Variants in MCTP1 observed in about 807,000 individuals in gnomAD.
MCTP1 encodes multiple C2 and transmembrane domain containing 1, also known as multiple C2 and transmembrane domain-containing protein 1.
MCTP1 carries 69 observed loss-of-function variants against 120.6 expected under a neutral mutation model. That is an observed-to-expected ratio of 0.57 (90% CI 0.47 to 0.70). The LOEUF is 0.70. MCTP1 is among the 30% of genes least tolerant of loss of function. The pLI is 0.00. For synonymous variants in MCTP1, 529 were observed against 493.1 expected (o/e 1.07, Z -0.96); for missense variants, 1,203 against 1,248.8 (o/e 0.96, Z 0.55).
chr5:94,876,831 C>T (rs1195634990), intron 12 of MCTP1, among the ~76,000 whole-genome samples: 1 of 151,922 alleles, frequency 6.6e-6, no homozygotes, highest in East Asian at 1.9e-4. Flanking sequence ...GGCAATTTTC[C>T]ATGTTGACAA....
intron 17 of MCTP1, among the ~76,000 whole-genome samples, chr5:94,855,081 A>T (rs1794483359): frequency 6.6e-6 from 1 of 151,818 alleles, no homozygotes; most frequent in South Asian, 2.1e-4. Context: ...GTTTGATACT[A>T]AGGATGTAAC....
At chr5:94,912,085 T>C (rs1808765657) in intron 9 of MCTP1, among the ~76,000 whole-genome samples, 1 of 152,100 alleles carries the variant, frequency 6.6e-6, no homozygotes, top group South Asian at 2.1e-4. Context: ...GGATAAAGTG[T>C]ATAAGAGTAA....
intron 19 of MCTP1, among the ~76,000 whole-genome samples, chr5:94,755,612 G>A (rs752024660): frequency 5.3e-5 from 8 of 152,098 alleles, no homozygotes; most frequent in African/African-American, 1.7e-4. Context: ...TCATTCTAGC[G>A]ATATATTTCT....
In MCTP1 at chr5:95,015,490, A is replaced by G. The variant is rs570783226; in HGVS notation, c.838+1877T>C. 1.5e-4 allele frequency among the ~76,000 whole-genome samples: 23 copies of G among 152,156 alleles called. 1 individual carries two copies. The South Asian group carries it at 4.8e-3, about 32-fold the overall frequency. ...CCCATTCCCATCTCCCATTCTTGCC[A>G]TCTGTTATTTACCTACATTCTGTAT... On this transcript the variant is annotated intron_variant, in intron 2 of 22. Coordinates refer to ENST00000515393, the MANE Select transcript of MCTP1 (RefSeq NM_024717.7).
At chr5:95,104,177 C>A (rs533151961) in intron 1 of MCTP1, among the ~76,000 whole-genome samples, 2 of 152,142 alleles carry the variant, frequency 1.3e-5, no homozygotes, top group East Asian at 1.9e-4. Flanking sequence ...ACTTACCCCC[C>A]CTCCCAAGTT....
intron 2 of MCTP1, chr5:94,979,380 C>A (rs1200417908): frequency 2.6e-5 from 4 of 152,094 alleles, no homozygotes; most frequent in Non-Finnish European, 5.9e-5. Context: ...ATTCAGAGAT[C>A]CTGAACTTAG....
intron 17 of MCTP1, among the ~76,000 whole-genome samples, chr5:94,800,549 T>A (rs1781008055): frequency 6.6e-6 from 1 of 152,154 alleles, no homozygotes; most frequent in Non-Finnish European, 1.5e-5. Flanking sequence ...ACTCCTGGCC[T>A]CAGGGCCAGG....
intron 1 of MCTP1, among the ~76,000 whole-genome samples, chr5:95,193,719 C>A (rs948902630): frequency 5.9e-5 from 9 of 152,108 alleles, no homozygotes; most frequent in African/African-American, 9.7e-5. Flanking sequence ...CAAAAAAAGT[C>A]TTTTATCAGT....
chr5:95,269,215 G>C (rs1418405971), intron 1 of MCTP1, among the ~76,000 whole-genome samples: 2 of 152,168 alleles, frequency 1.3e-5, no homozygotes, highest in African/African-American at 4.8e-5. Flanking sequence ...AACATTAGAA[G>C]TTGTGCCAAA....
At chr5:95,024,180 A>G in intron 1 of MCTP1, 1 of 375,628 alleles carries the variant, frequency 2.7e-6, no homozygotes, top group South Asian at 2.0e-5. Flanking sequence ...TCCAAGACCA[A>G]TGTCACAGAG....
intron 3 of MCTP1, among the ~76,000 whole-genome samples, chr5:94,951,593 T>C (rs555091277): frequency 6.6e-6 from 1 of 152,358 alleles, no homozygotes; most frequent in South Asian, 2.1e-4. Flanking sequence ...TTGCTCTAAC[T>C]CATGTCTCCT....
intron 10 of MCTP1, among the ~76,000 whole-genome samples, chr5:94,907,988 T>C (rs748723665): frequency 2.8e-4 from 42 of 152,048 alleles, no homozygotes; most frequent in Non-Finnish European, 6.0e-4. Flanking sequence ...ACTAATATTA[T>C]TATAACCAAA....
rs949045612 is a variant in MCTP1, at chr5:94,963,073, A to G, written c.839-9712T>C. ...AAGGGTGCTAATCCCATTCATGAGG[A>G]CAGAATGCTTGTGACTCAAACATCT... On this transcript the variant is annotated intron_variant, in intron 2 of 22. Coordinates refer to ENST00000515393, the MANE Select transcript of MCTP1 (RefSeq NM_024717.7). Among the ~76,000 whole-genome samples, 9 of 152,268 alleles carry G rather than the reference A, an allele frequency of 5.9e-5. No individual in the cohort carries two copies. The East Asian group carries it at 1.7e-3, about 29-fold the overall frequency.
At chr5:94,816,481 A>G (rs1308701741) in intron 17 of MCTP1, among the ~76,000 whole-genome samples, 1 of 152,144 alleles carries the variant, frequency 6.6e-6, no homozygotes, top group African/African-American at 2.4e-5. Flanking sequence ...GATTTTTATT[A>G]TTTTGAAACC....
chr5:95,138,709 C>G (rs1284157515), intron 1 of MCTP1, among the ~76,000 whole-genome samples: 1 of 152,140 alleles, frequency 6.6e-6, no homozygotes, highest in Non-Finnish European at 1.5e-5. Flanking sequence ...ACCGGCTGCT[C>G]CCTCTCACAT....
chr5:95,094,842 T>C (rs1756105869), intron 1 of MCTP1, among the ~76,000 whole-genome samples: 1 of 152,048 alleles, frequency 6.6e-6, no homozygotes, highest in Non-Finnish European at 1.5e-5. Flanking sequence ...TCTGTTAATA[T>C]ACCAGATTTT....
intron 2 of MCTP1, among the ~76,000 whole-genome samples, chr5:94,997,696 G>A (rs1038486841): frequency 7.9e-5 from 12 of 152,184 alleles, no homozygotes; most frequent in African/African-American, 2.7e-4. Context: ...ATGGACCTAC[G>A]CTGATACATC....
rs960847060 is a variant in MCTP1, at chr5:94,728,064, C to G, written c.2611-13178G>C. ...TATGGGGTAGGCCTGTCCCCTAAAC[C>G]CCTTCCTTACTGCAGAGTAAATCAC... On this transcript the variant is annotated intron_variant, in intron 19 of 22. Coordinates refer to ENST00000515393, the MANE Select transcript of MCTP1 (RefSeq NM_024717.7). Among the ~76,000 whole-genome samples, 3 of 152,168 alleles carry G rather than the reference C, an allele frequency of 2.0e-5. No individual in the cohort carries two copies. In the East Asian group the frequency reaches 5.8e-4, roughly 29 times the overall value.
intron 1 of MCTP1, among the ~76,000 whole-genome samples, chr5:95,222,144 G>C (rs763846401): frequency 2.6e-5 from 4 of 152,166 alleles, no homozygotes; most frequent in African/African-American, 4.8e-5. Flanking sequence ...AGGCACCCAG[G>C]TTCCATCTAC....
Sources: allele counts gnomAD v4.1 joint callset (sites outside exome capture counted in the v4.1 genomes callset), GRCh38; gene constraint gnomAD v4.1.1; transcripts MANE v1.5; gene names NCBI Gene and HGNC (gene_info 2026-07-23, HGNC 2026-07-21).